Variants in GMDS observed in about 807,000 individuals in gnomAD.
The protein encoded by GMDS is GDP-mannose 4,6-dehydratase.
A neutral mutation model predicts 49.9 loss-of-function variants in GMDS; 20 were observed. That is an observed-to-expected ratio of 0.40 (90% CI 0.28 to 0.58). GMDS has a LOEUF of 0.58. GMDS is among the 20% of genes least tolerant of loss of function. The pLI is 0.42. For synonymous variants in GMDS, 177 were observed against 178.6 expected (o/e 0.99, Z 0.07); for missense variants, 362 against 481.4 (o/e 0.75, Z 2.32).
chr6:2,227,791 C>T (rs1023194815), intron 1 of GMDS, among the ~76,000 whole-genome samples: 2 of 152,234 alleles, frequency 1.3e-5, no homozygotes, highest in Non-Finnish European at 2.9e-5. Context: ...AAGGCAACAA[C>T]GGGGCCAGCT....
chr6:2,092,348 C>T (rs1264723214), intron 4 of GMDS, among the ~76,000 whole-genome samples: 4 of 152,100 alleles, frequency 2.6e-5, no homozygotes, highest in Admixed American at 2.6e-4. Flanking sequence ...ACACATTGCC[C>T]TTTCTACAAT....
chr6:1,826,569 AGT>A (rs1561830311), intron 7 of GMDS, among the ~76,000 whole-genome samples: 1 of 152,238 alleles, frequency 6.6e-6, no homozygotes, highest in Non-Finnish European at 1.5e-5. Context: ...TTGTCAATAT[AGT>A]TATAAACTCC....
At chr6:1,674,080 C>T (rs1035888355) in intron 9 of GMDS, among the ~76,000 whole-genome samples, 7 of 151,904 alleles carry the variant, frequency 4.6e-5, no homozygotes, top group African/African-American at 7.3e-5. Context: ...GTGAAACCAT[C>T]GTGCTATTTA....
intron 7 of GMDS, among the ~76,000 whole-genome samples, chr6:1,925,422 C>A (rs1364110009): frequency 6.6e-6 from 1 of 152,084 alleles, no homozygotes; most frequent in Non-Finnish European, 1.5e-5. Flanking sequence ...TTTTACAAGT[C>A]AGAGGTAAAC....
chr6:1,991,482 A>C (rs1019013699), intron 4 of GMDS, among the ~76,000 whole-genome samples: 2 of 152,122 alleles, frequency 1.3e-5, no homozygotes, highest in African/African-American at 4.8e-5. Flanking sequence ...GTCTCCTGTG[A>C]CCAGGCTCTT....
At chr6:1,898,659 G>A (rs1345149212) in intron 7 of GMDS, among the ~76,000 whole-genome samples, 1 of 152,146 alleles carries the variant, frequency 6.6e-6, no homozygotes, top group Non-Finnish European at 1.5e-5. Context: ...TGTCCTGTCA[G>A]TTACAAAATA....
chr6:2,191,375 A>T lies in GMDS; in HGVS notation c.102+53946T>A, dbSNP rs1779010149. 6.6e-6 allele frequency among the ~76,000 whole-genome samples: 1 copy of T among 152,128 alleles called. No individual in the cohort carries two copies. The highest frequency in any genetic ancestry group is 2.1e-4 in the South Asian group (1 of 4,832). ...GGCCCAGCAAGGACCTAGAGCCCCC[A>T]GGCTGCAAGGGGGCACAGCTGGGAC... On this transcript the variant is annotated intron_variant, in intron 1 of 10. Transcript: ENST00000380815. This position sits in a 1 kb window ranked among gnomAD's most constrained non-coding sequence, Gnocchi z 4.6.
intron 1 of GMDS, among the ~76,000 whole-genome samples, chr6:2,228,120 T>C (rs1448612382): frequency 6.6e-6 from 1 of 152,226 alleles, no homozygotes; most frequent in Non-Finnish European, 1.5e-5. Flanking sequence ...GAAACAAGAA[T>C]GGCAGGCACC....
chr6:1,996,888 A>C (rs1447768658), intron 4 of GMDS, among the ~76,000 whole-genome samples: 1 of 152,164 alleles, frequency 6.6e-6, no homozygotes, highest in Non-Finnish European at 1.5e-5. Context: ...GACAACCAAC[A>C]GTGTTTTCCA....
chr6:1,711,789 C>T (rs191018492), intron 9 of GMDS, among the ~76,000 whole-genome samples: 1 of 152,228 alleles, frequency 6.6e-6, no homozygotes, highest in East Asian at 1.9e-4. Context: ...CTTTTCCGTC[C>T]GATTTTGTGC....
intron 6 of GMDS, among the ~76,000 whole-genome samples, chr6:1,952,585 A>G (rs192463531): frequency 1.3e-5 from 2 of 152,214 alleles, no homozygotes; most frequent in Admixed American, 6.5e-5. Context: ...CTAGGATCTC[A>G]TGAAATTCTG....
chr6:2,245,596 G>T lies in GMDS; in HGVS notation c.-174C>A. 2.7e-6 allele frequency: 1 copy of T among 377,224 alleles called. No individual in the cohort carries two copies. Among genetic ancestry groups the T allele is most frequent in the Admixed American group, 4.7e-5 (1 of 21,220 alleles). 23.4% of individuals were successfully genotyped at this position (377,224 alleles called of 1,614,324 possible). On this transcript the variant is annotated 5_prime_UTR_variant, in exon 1 of 11. Coordinates refer to ENST00000380815, the MANE Select transcript of GMDS (RefSeq NM_001500.4). ...GTCTGACAGGGGCGCACGGGAGGCC[G>T]TGCAGGGAGGGCCGGGGGCGGGCCG...
intron 4 of GMDS, among the ~76,000 whole-genome samples, chr6:2,110,827 A>G (rs1279646166): frequency 6.6e-6 from 1 of 152,120 alleles, no homozygotes; most frequent in Non-Finnish European, 1.5e-5. Flanking sequence ...GGGTTATTCA[A>G]TCTGAGTAAG....
chr6:1,878,196 T>A (rs1261433738), intron 7 of GMDS, among the ~76,000 whole-genome samples: 1 of 150,756 alleles, frequency 6.6e-6, no homozygotes, highest in Admixed American at 6.7e-5. Context: ...GCACCTGTAG[T>A]CCCAGCTACT....
chr6:1,791,563 C>T (rs187919062), intron 7 of GMDS, among the ~76,000 whole-genome samples: 88 of 152,264 alleles, frequency 5.8e-4, no homozygotes, highest in African/African-American at 2.0e-3. Context: ...TTAGGAGTTA[C>T]GGCTTCAACA....
At chr6:2,203,646 T>C (rs1215733117) in intron 1 of GMDS, among the ~76,000 whole-genome samples, 1 of 152,166 alleles carries the variant, frequency 6.6e-6, no homozygotes, top group East Asian at 1.9e-4. Context: ...TTGGAGACAG[T>C]GGTTAACACT....
intron 4 of GMDS, among the ~76,000 whole-genome samples, chr6:2,104,076 C>T (rs1287056887): frequency 1.3e-5 from 2 of 152,240 alleles, no homozygotes; most frequent in African/African-American, 4.8e-5. Flanking sequence ...GCAGGCCAAA[C>T]TCCACAGTGC....
intron 1 of GMDS, among the ~76,000 whole-genome samples, chr6:2,241,717 A>G (rs1166639839): frequency 6.6e-6 from 1 of 152,220 alleles, no homozygotes; most frequent in East Asian, 1.9e-4. Context: ...TAGCTCCATG[A>G]GTGGAAGCCT....
intron 2 of GMDS, among the ~76,000 whole-genome samples, chr6:2,123,233 G>A (rs1188686196): frequency 9.2e-5 from 14 of 152,152 alleles, no homozygotes; most frequent in Admixed American, 2.6e-4. Context: ...GCGCATAGCC[G>A]TGCTCCCTCC....
Sources: allele counts gnomAD v4.1 joint callset (sites outside exome capture counted in the v4.1 genomes callset), GRCh38; gene constraint gnomAD v4.1.1; non-coding constraint Gnocchi (gnomAD v3.1); transcripts MANE v1.5; gene names NCBI Gene and HGNC (gene_info 2026-07-23, HGNC 2026-07-21).